DHRSX: variants seen among roughly 807,000 people sequenced by gnomAD.
DHRSX encodes dehydrogenase/reductase X-linked.
In DHRSX, 31 loss-of-function variants were observed where a neutral mutation model predicts 34.0. The ratio of observed to expected loss-of-function variants is 0.91; its 90% CI spans 0.69 to 1.23. The LOEUF (loss-of-function observed/expected upper bound fraction) is 1.23. Among genes scored for constraint, DHRSX ranks in the 50% most tolerant of loss-of-function variants. DHRSX has a pLI of 0.00. For synonymous variants in DHRSX, 201 were observed against 183.8 expected (o/e 1.09, Z -0.76); for missense variants, 414 against 428.1 (o/e 0.97, Z 0.29).
At chrX:2,493,028 T>A (rs2045195295) in intron 1 of DHRSX, among the ~76,000 whole-genome samples, 1 of 152,214 alleles carries the variant, frequency 6.6e-6, no homozygotes, top group Non-Finnish European at 1.5e-5. Context: ...CGCCGCCACG[T>A]GCCAGGTGAG....
In DHRSX at chrX:2,257,361, G is replaced by A. The variant is rs192544884; in HGVS notation, c.596+9379C>T. 2.6e-4 allele frequency among the ~76,000 whole-genome samples: 40 copies of A among 152,334 alleles called. 1 individual carries two copies. The highest frequency in any genetic ancestry group is 8.9e-4 in the African/African-American group (37 of 41,578). On this transcript the variant is annotated intron_variant, in intron 5 of 6. Transcript: ENST00000334651. ...GAGCTAACCACGGAAGCTGAAGTTC[G>A]TCGGCCAGATGGCCCAATGCACAAT...
chrX:2,444,297 T>C (rs1452205774), intron 1 of DHRSX, among the ~76,000 whole-genome samples: 2 of 152,180 alleles, frequency 1.3e-5, no homozygotes, highest in Non-Finnish European at 2.9e-5. Flanking sequence ...AAGATATGAC[T>C]CTCAGCTCAC....
chrX:2,245,340 C>T (rs2016251599), intron 5 of DHRSX, among the ~76,000 whole-genome samples: 1 of 151,868 alleles, frequency 6.6e-6, no homozygotes, highest in African/African-American at 2.4e-5. Context: ...CAGAGTTTTG[C>T]TCATATTGCC....
At chrX:2,361,963 C>G (rs1331874280) in intron 3 of DHRSX, among the ~76,000 whole-genome samples, 1 of 152,096 alleles carries the variant, frequency 6.6e-6, no homozygotes, top group Admixed American at 6.6e-5. Context: ...TTCAATTAGT[C>G]CTTTAATTTT....
intron 3 of DHRSX, among the ~76,000 whole-genome samples, chrX:2,393,634 ACG>A (rs2043367367): frequency 1.3e-5 from 2 of 148,160 alleles, no homozygotes. Flanking sequence ...TCCTGCACAC[ACG>A]ACACACAGGG....
intron 3 of DHRSX, among the ~76,000 whole-genome samples, chrX:2,304,023 T>TGATGGATGGATG (rs745829295): frequency 8.8e-5 from 6 of 67,902 alleles, no homozygotes; most frequent in Non-Finnish European, 1.2e-4. Context: ...ATGGATGAAC[T>TGATGGATGGATG]GATGGATGGA....
At chrX:2,232,787 T>A (rs2015926520) in intron 6 of DHRSX, among the ~76,000 whole-genome samples, 2 of 152,102 alleles carry the variant, frequency 1.3e-5, no homozygotes, top group South Asian at 4.2e-4. Context: ...TTGGCCAGGC[T>A]GGTCTCGAAC....
At chrX:2,297,361 G>A (rs1052586176) in intron 3 of DHRSX, among the ~76,000 whole-genome samples, 3 of 152,100 alleles carry the variant, frequency 2.0e-5, no homozygotes, top group African/African-American at 7.2e-5. Context: ...GGGCTCAAGC[G>A]ATCCGCCCGC....
At chrX:2,291,266 T>C (rs2041861841) in intron 4 of DHRSX, among the ~76,000 whole-genome samples, 1 of 152,212 alleles carries the variant, frequency 6.6e-6, no homozygotes, top group South Asian at 2.1e-4. Context: ...CAAGTCAACG[T>C]GTCAACTCCA....
chrX:2,429,451 CTT>C (rs55923527), intron 1 of DHRSX, among the ~76,000 whole-genome samples: 69,414 of 145,602 alleles, frequency 0.48, 19,683 homozygotes, highest in African/African-American at 0.8. Flanking sequence ...CTCTGTGATG[CTT>C]TTTTTTTTTT....
At position 2,298,616 on chromosome X, in the gene DHRSX, A is replaced by ACACACACACACACG. The variant is rs1556457298; in HGVS notation, c.287-7014_287-7013insCGTGTGTGTGTGTG. Among the ~76,000 whole-genome samples, 174 of 138,372 alleles carry ACACACACACACACG rather than the reference A, an allele frequency of 1.3e-3. 13 individuals are homozygous for ACACACACACACACG. The highest frequency in any genetic ancestry group is 6.8e-3 in the East Asian group (35 of 5,126). The allele number at this position is 138,372 out of a possible 152,430, so 90.8% of individuals were successfully genotyped here. On this transcript the variant is annotated intron_variant, in intron 3 of 6. Transcript: ENST00000334651. ...GGCGCGTGTGTACACACACACACAC[A>ACACACACACACACG]CACACACACACACACACACACGAGG...
chrX:2,488,871 C>T (rs376848620), intron 1 of DHRSX: 18 of 1,612,638 alleles, frequency 1.1e-5, no homozygotes, highest in African/African-American at 1.3e-5. Context: ...CGCTCAGGGG[C>T]GACGCGCGTG....
rs769673589 is a variant in DHRSX at position 2,462,432 on chromosome X, G to A, written c.110-37128C>T. Among the ~76,000 whole-genome samples the A allele has an allele frequency of 2.8e-4, 43 of 152,214 alleles. 1 individual carries two copies. The East Asian group carries it at 7.5e-3, about 27-fold the overall frequency. On this transcript the variant is annotated intron_variant, in intron 1 of 6. Transcript: ENST00000334651. Reference sequence around the variant, plus strand: ...ATTTAGTAATCCCAGCTACTCAGGAGGCTGAGACAGGAGAATCGCTTGAAC... The same window carrying A: ...ATTTAGTAATCCCAGCTACTCAGGAAGCTGAGACAGGAGAATCGCTTGAAC...
chrX:2,430,176 G>A (rs1049431298), intron 1 of DHRSX, among the ~76,000 whole-genome samples: 7 of 150,060 alleles, frequency 4.7e-5, no homozygotes, highest in African/African-American at 7.3e-5. Context: ...GGAGGTGCCC[G>A]TGGGGTCTTC....
Position 2,316,151 on chromosome X carries a change from C to T in DHRSX, c.287-24548G>A, listed in dbSNP as rs758471532. 2.3e-3 allele frequency among the ~76,000 whole-genome samples: 346 copies of T among 152,222 alleles called. 2 individuals are homozygous for T. The highest frequency in any genetic ancestry group is 2.7e-3 in the Admixed American group (41 of 15,272). Reference sequence around the variant, plus strand: ...TGCTGGGATAACAGGCGTGAGCCACCGCGCCCGGCCAAGTCTCATTTTCAT... The same window carrying T: ...TGCTGGGATAACAGGCGTGAGCCACTGCGCCCGGCCAAGTCTCATTTTCAT... On this transcript the variant is annotated intron_variant, in intron 3 of 6. Transcript: ENST00000334651.
At chrX:2,332,492 G>A (rs2042491927) in intron 3 of DHRSX, among the ~76,000 whole-genome samples, 1 of 152,170 alleles carries the variant, frequency 6.6e-6, no homozygotes, top group Non-Finnish European at 1.5e-5. Context: ...TGGGATTCTA[G>A]GAAAACAGAT....
At chrX:2,259,408 A>G (rs988211583) in intron 5 of DHRSX, among the ~76,000 whole-genome samples, 1 of 145,798 alleles carries the variant, frequency 6.9e-6, no homozygotes, top group African/African-American at 2.5e-5. Context: ...ATATATATAG[A>G]TATAGATATA....
At chrX:2,478,390 G>C (rs1044958995) in intron 1 of DHRSX, among the ~76,000 whole-genome samples, 5 of 152,130 alleles carry the variant, frequency 3.3e-5, no homozygotes, top group African/African-American at 1.2e-4. Context: ...ATGTGGCAGG[G>C]ACACATTCTG....
chrX:2,299,164 TCA>T (rs1302658249), intron 3 of DHRSX, among the ~76,000 whole-genome samples: 6 of 152,164 alleles, frequency 3.9e-5, no homozygotes, highest in Non-Finnish European at 8.8e-5. Context: ...TTCGGTCAAG[TCA>T]CATGCTTGAA....
Sources: allele counts gnomAD v4.1 joint callset (sites outside exome capture counted in the v4.1 genomes callset), GRCh38; gene constraint gnomAD v4.1.1; transcripts MANE v1.5; gene names NCBI Gene and HGNC (gene_info 2026-07-23, HGNC 2026-07-21).